STIL: variants seen among roughly 807,000 people sequenced by gnomAD.
STIL encodes the protein SCL-interrupting locus protein.
In STIL, 55 loss-of-function variants were observed where a neutral mutation model predicts 110.1. That is an observed-to-expected ratio of 0.50 (90% CI 0.40 to 0.63). The LOEUF (loss-of-function observed/expected upper bound fraction) is 0.63, where lower values mean the gene tolerates loss of function less well. Ranked by LOEUF, STIL falls within the 20% of genes least tolerant of loss-of-function variation. STIL has a pLI of 0.00. For missense variants in STIL, 1,358 were observed against 1,530.0 expected (o/e 0.89, Z 1.87); for synonymous variants, 481 against 530.0 (o/e 0.91, Z 1.27).
chr1:47,276,155 C>A (rs1034053358), intron 12 of STIL, among the ~76,000 whole-genome samples: 1 of 151,876 alleles, frequency 6.6e-6, no homozygotes, highest in Admixed American at 6.6e-5. Flanking sequence ...GCGCCCACTA[C>A]CACGCCCAGG....
At position 47,260,337 on chromosome 1, in the gene STIL, T is replaced by C; in HGVS notation, c.3032A>G (p.Asp1011Gly). 6.2e-7 allele frequency: 1 copy of C among 1,614,174 alleles called. No homozygotes were observed. Among genetic ancestry groups the C allele is most frequent in the Non-Finnish European group, 8.5e-7 (1 of 1,180,016 alleles). The change falls in exon 16 of 17, where the codon GAT (aspartate) becomes GGT (glycine). Residue 1011 changes from aspartate to glycine, a missense_variant. Physicochemically the swap from Asp to Gly is moderately conservative, Grantham distance 94. Coordinates refer to ENST00000371877, the MANE Select transcript of STIL (RefSeq NM_001048166.1). The part of the protein sequence containing the change: ...KQLRSLGVKI[D>G]SPTKVKKNAH... ...ATTTTTCTTCACTTTAGTGGGAGAA[T>C]CAATTTTTACTCCAAGGCTTCTTAG...
Position 47,270,227 on chromosome 1 carries a change from C to CAA in STIL, c.2384-363_2384-362dup, listed in dbSNP as rs34842407. Among the ~76,000 whole-genome samples, 617 of 87,234 alleles carry CAA rather than the reference C, an allele frequency of 7.1e-3. 12 individuals carry two copies. Among genetic ancestry groups the CAA allele is most frequent in the African/African-American group, 0.025 (486 of 19,164 alleles). The allele number at this position is 87,234 out of a possible 152,430, so 57.2% of individuals were successfully genotyped here. A position where few individuals can be genotyped will look rare whatever the true frequency, so the allele number is the denominator to read the frequency against. On this transcript the variant is annotated intron_variant, in intron 13 of 16. Coordinates refer to ENST00000371877, the MANE Select transcript of STIL (RefSeq NM_001048166.1). ...CATTCCAGCCTGGGCAACTCTGGCTCAAAAAAAAAAAAAAATATATATATA... is the reference window on the plus strand; with the variant it reads ...CATTCCAGCCTGGGCAACTCTGGCTCAAAAAAAAAAAAAAAAATATATATATA...
At chr1:47,252,108 T>C (rs77932941) in intron 16 of STIL, among the ~76,000 whole-genome samples, 186 bp from the exon 17 acceptor site, 2 of 152,352 alleles carry the variant, frequency 1.3e-5, no homozygotes, top group African/African-American at 4.8e-5. Flanking sequence ...GGGCTGGGTA[T>C]AGTGGCCCAA....
intron 8 of STIL, among the ~76,000 whole-genome samples, chr1:47,290,965 G>A (rs1383440271): frequency 2.0e-5 from 3 of 152,082 alleles, no homozygotes; most frequent in Non-Finnish European, 2.9e-5. Context: ...GTTTCACCCA[G>A]AGCCCTTACA....
intron 15 of STIL, among the ~76,000 whole-genome samples, chr1:47,261,466 C>T (rs188744181): frequency 2.0e-5 from 3 of 146,872 alleles, no homozygotes; most frequent in East Asian, 2.1e-4. Flanking sequence ...TGAGTACAGG[C>T]GTGTGGCTCA....
rs926561364 is a variant in STIL, at chr1:47,250,813, C to T, written c.*323G>A. 11 of 234,886 alleles carry T rather than the reference C, an allele frequency of 4.7e-5. No individual in the cohort carries two copies. The highest frequency in any genetic ancestry group is 2.0e-4 in the African/African-American group (9 of 44,302). The allele number at this position is 234,886 out of a possible 1,614,324, so 14.6% of individuals were successfully genotyped here. On this transcript the variant is annotated 3_prime_UTR_variant, in exon 17 of 17. Transcript: ENST00000371877. ...AGCCTGGGCTACAAGAGCAAAACTC[C>T]GTCTCAAAAAAAAAAGTACAGTATA...
Position 47,280,886 on chromosome 1 carries a change from T to A in STIL, c.1572A>T (p.Pro524=). 2 of 1,614,216 alleles carry A rather than the reference T, an allele frequency of 1.2e-6. No homozygotes were observed. The highest frequency in any genetic ancestry group is 1.7e-6 in the Non-Finnish European group (2 of 1,180,032). Residue 524 remains proline (P), a synonymous_variant, in exon 12 of 17, where the codon CCA becomes CCT. Transcript: ENST00000371877. ...GNPHTRNSIK[P]SSHNGPSHDI... ...CATGAGATGGCCCATTATGAGAAGA[T>A]GGTTTAATACTGTTCCTGGTATGGG...
intron 2 of STIL, 58 bp from the exon 3 acceptor site, chr1:47,305,054 T>C: frequency 8.0e-7 from 1 of 1,250,520 alleles, no homozygotes; most frequent in Non-Finnish European, 1.2e-6. Flanking sequence ...GGTAGACATT[T>C]GGTAGGAAAC....
At chr1:47,261,341 T>C (rs929590082) in intron 15 of STIL, among the ~76,000 whole-genome samples, 1 of 151,530 alleles carries the variant, frequency 6.6e-6, no homozygotes, top group East Asian at 1.9e-4. Context: ...AGAGCTGAGA[T>C]GGCGCCACTG....
In STIL at chr1:47,270,754, T is replaced by A. The variant is rs548799353; in HGVS notation, c.2384-888A>T. On this transcript the variant is annotated intron_variant, in intron 13 of 16. Transcript: ENST00000371877. ...GTGCAGTGACACAATCACAGCTCAC[T>A]GCAGCCTCAACGTCCCTGGGCTCAG... is the stretch of plus-strand genomic sequence containing the variant. Among the ~76,000 whole-genome samples, 17 of 144,484 alleles carry A rather than the reference T, an allele frequency of 1.2e-4. No homozygotes were observed. The South Asian group carries it at 3.9e-3, about 33-fold the overall frequency. 94.8% of individuals were successfully genotyped at this position (144,484 alleles called of 152,430 possible).
At position 47,302,362 on chromosome 1, in the gene STIL, T is replaced by C. The variant is rs754852850; in HGVS notation, c.153-16A>G. Reference sequence around the variant, plus strand: ...CTTTGGATTTCTGAAAAACAACAAGTCTTTTATGAATATGGTAGACCTCAT... The same window carrying C: ...CTTTGGATTTCTGAAAAACAACAAGCCTTTTATGAATATGGTAGACCTCAT... On this transcript the variant is annotated splice_polypyrimidine_tract_variant and intron_variant, in intron 3 of 16. Transcript: ENST00000371877. 1.9e-6 allele frequency: 3 copies of C among 1,591,420 alleles called. No individual in the cohort carries two copies. The South Asian group carries it at 3.3e-5, about 18-fold the overall frequency.
intron 10 of STIL, among the ~76,000 whole-genome samples, chr1:47,286,626 C>T (rs577279597): frequency 3.3e-5 from 5 of 151,666 alleles, no homozygotes; most frequent in African/African-American, 1.2e-4. Flanking sequence ...ACCCGGGAGG[C>T]GGAGCTTGCA....
chr1:47,285,020 C>CTTTTTTTTTTTTTTT (rs35801422), intron 10 of STIL, among the ~76,000 whole-genome samples: 1 of 134,718 alleles, frequency 7.4e-6, no homozygotes. Flanking sequence ...CATTTTTTGT[C>CTTTTTTTTTTTTTTT]TTTTTTTTTT....
At chr1:47,297,774 T>C (rs1472510850) in intron 6 of STIL, among the ~76,000 whole-genome samples, 3 of 151,994 alleles carry the variant, frequency 2.0e-5, no homozygotes, top group Non-Finnish European at 4.4e-5. Flanking sequence ...ACCAATTTAA[T>C]AGACGATTCT....
chr1:47,292,574 G>C (rs1645525860), intron 8 of STIL, among the ~76,000 whole-genome samples: 1 of 152,078 alleles, frequency 6.6e-6, no homozygotes, highest in South Asian at 2.1e-4. Flanking sequence ...ATGCCAAGAG[G>C]TAATGATCTC....
chr1:47,302,393 A>T, intron 3 of STIL, 47 bp from the exon 4 acceptor site: 1 of 1,357,930 alleles, frequency 7.4e-7, no homozygotes, highest in Non-Finnish European at 1.1e-6. Flanking sequence ...CTCATATCTT[A>T]AAAAAACCTC....
chr1:47,262,000 C>T lies in STIL; in HGVS notation c.2829+903G>A, dbSNP rs76782541. On this transcript the variant is annotated intron_variant, in intron 15 of 16. Transcript: ENST00000371877. ...ATAAACAAGTTTTAAATAATGCTTT[C>T]GTTTGCAAAGTGATAATGTTTCAGT... 6.0e-3 allele frequency among the ~76,000 whole-genome samples: 908 copies of T among 151,956 alleles called. 2 individuals are homozygous for T. The highest frequency in any genetic ancestry group is 0.03 in the East Asian group (157 of 5,174).
intron 16 of STIL, among the ~76,000 whole-genome samples, chr1:47,257,430 G>A (rs1462101989): frequency 6.6e-6 from 1 of 152,132 alleles, no homozygotes; most frequent in East Asian, 1.9e-4. Flanking sequence ...AGGAGTTTGA[G>A]GTTACATAAA....
chr1:47,260,255 T>C, intron 16 of STIL, 34 bp downstream of exon 16: 1 of 1,574,318 alleles, frequency 6.4e-7, no homozygotes, highest in South Asian at 1.2e-5. Context: ...AAATAAAATT[T>C]ATTCACTCTT....
Sources: gnomAD v4.1 joint callset for allele counts (sites outside exome capture counted in the v4.1 genomes callset) on GRCh38, gnomAD v4.1.1 for gene constraint, MANE v1.5 for transcripts, NCBI Gene and HGNC (gene_info 2026-07-23, HGNC 2026-07-21) for gene names.